Variants in HCN1 observed in about 807,000 individuals in gnomAD.
HCN1 encodes potassium/sodium hyperpolarization-activated cyclic nucleotide-gated channel 1.
In HCN1, 13 loss-of-function variants were observed where a neutral mutation model predicts 78.9. The ratio of observed to expected loss-of-function variants is 0.16; its 90% confidence interval spans 0.11 to 0.26. The LOEUF is 0.26. HCN1 is among the 10% of genes least tolerant of loss of function. HCN1 has a pLI of 1.00. For missense variants in HCN1, 810 were observed against 1,154.3 expected (o/e 0.70, Z 4.32); for synonymous variants, 552 against 455.5 (o/e 1.21, Z -2.70).
At chr5:45,315,999 G>T (rs1745982237) in intron 5 of HCN1, among the ~76,000 whole-genome samples, 1 of 152,108 alleles carries the variant, frequency 6.6e-6, no homozygotes, top group South Asian at 2.1e-4. Flanking sequence ...AGGAGGAGCT[G>T]GTACCATTCC....
At chr5:45,689,992 T>G (rs139025149) in intron 1 of HCN1, among the ~76,000 whole-genome samples, 2 of 152,096 alleles carry the variant, frequency 1.3e-5, no homozygotes, top group African/African-American at 4.8e-5. Context: ...CAAATCAATA[T>G]GTATAGAATC....
At chr5:45,607,650 G>A (rs1054529137) in intron 2 of HCN1, among the ~76,000 whole-genome samples, 9 of 150,238 alleles carry the variant, frequency 6.0e-5, no homozygotes, top group African/African-American at 2.2e-4. Context: ...GAGTCATCTT[G>A]ATAAATACAG....
intron 5 of HCN1, among the ~76,000 whole-genome samples, chr5:45,346,882 C>A (rs2134045): frequency 0.067 from 10,226 of 152,286 alleles, 554 homozygotes; most frequent in Non-Finnish European, 0.088. Flanking sequence ...TGGGTGGAGC[C>A]CACCACAGCT....
intron 2 of HCN1, among the ~76,000 whole-genome samples, chr5:45,472,797 A>G (rs964746842): frequency 2.0e-5 from 3 of 151,998 alleles, no homozygotes; most frequent in African/African-American, 7.2e-5. Context: ...TACACATTTC[A>G]TTTGTAATTT....
chr5:45,610,881 T>C (rs1744819557), intron 2 of HCN1, among the ~76,000 whole-genome samples: 1 of 152,030 alleles, frequency 6.6e-6, no homozygotes, highest in African/African-American at 2.4e-5. Context: ...AGACTCTTTT[T>C]ATCTAGAACA....
intron 3 of HCN1, among the ~76,000 whole-genome samples, chr5:45,402,086 T>C (rs1282408973): frequency 1.3e-5 from 2 of 152,006 alleles, no homozygotes; most frequent in Admixed American, 1.3e-4. Flanking sequence ...TGTGTGTACA[T>C]ATATAAAATT....
At chr5:45,372,184 TAATACAATTA>T (rs1747404584) in intron 4 of HCN1, among the ~76,000 whole-genome samples, 2 of 61,822 alleles carry the variant, frequency 3.2e-5, no homozygotes, top group East Asian at 6.8e-4. Context: ...TATTATAATA[TAATACAATTA>T]ATATAATACA....
intron 3 of HCN1, among the ~76,000 whole-genome samples, chr5:45,426,290 T>A (rs1444864517): frequency 6.6e-6 from 1 of 152,174 alleles, no homozygotes; most frequent in Admixed American, 6.6e-5. Flanking sequence ...ATGTGAATGG[T>A]TAGTCATGGA....
intron 2 of HCN1, among the ~76,000 whole-genome samples, chr5:45,615,878 T>C (rs1319943743): frequency 6.6e-6 from 1 of 151,898 alleles, no homozygotes; most frequent in African/African-American, 2.4e-5. Flanking sequence ...CAAAATAGCT[T>C]GAAATGCAAC....
intron 6 of HCN1, among the ~76,000 whole-genome samples, chr5:45,290,872 T>C (rs1745358823): frequency 6.6e-6 from 1 of 152,110 alleles, no homozygotes; most frequent in South Asian, 2.1e-4. Flanking sequence ...GAAAAGACTA[T>C]AAATAATATA....
chr5:45,469,744 A>G (rs1741350174), intron 2 of HCN1, among the ~76,000 whole-genome samples: 1 of 151,896 alleles, frequency 6.6e-6, no homozygotes, highest in South Asian at 2.1e-4. Flanking sequence ...TGTAGTTCTT[A>G]CACATTAAAA....
intron 1 of HCN1, among the ~76,000 whole-genome samples, chr5:45,689,829 C>G (rs773269862): frequency 6.6e-6 from 1 of 152,078 alleles, no homozygotes; most frequent in African/African-American, 2.4e-5. Context: ...AAAGATCACT[C>G]TTGTCACTCT....
At chr5:45,347,377 C>T (rs754163349) in intron 5 of HCN1, among the ~76,000 whole-genome samples, 15 of 152,134 alleles carry the variant, frequency 9.9e-5, no homozygotes, top group Non-Finnish European at 1.6e-4. Flanking sequence ...ACATCACCAT[C>T]GTCAAAGAAC....
At chr5:45,417,455 TG>T (rs1168555901) in intron 3 of HCN1, among the ~76,000 whole-genome samples, 1 of 151,940 alleles carries the variant, frequency 6.6e-6, no homozygotes, top group Non-Finnish European at 1.5e-5. Flanking sequence ...CTTTAAATGC[TG>T]TTTTGTCATA....
intron 3 of HCN1, among the ~76,000 whole-genome samples, chr5:45,415,965 A>T (rs1234700890): frequency 6.6e-6 from 1 of 151,984 alleles, no homozygotes; most frequent in Non-Finnish European, 1.5e-5. Flanking sequence ...AAAAAGCCAG[A>T]TGTCTTCATC....
At chr5:45,618,262 G>A (rs1257387163) in intron 2 of HCN1, among the ~76,000 whole-genome samples, 1 of 151,964 alleles carries the variant, frequency 6.6e-6, no homozygotes, top group East Asian at 1.9e-4. Flanking sequence ...GTTGTGGTGA[G>A]GGGTGGGGAT....
rs951895576 is a variant in HCN1 at position 45,554,220 on chromosome 5, C to T, written c.849+90965G>A. The stretch of plus-strand genomic sequence containing the variant: ...GCCCATTGAAATAATGATTAGGTAT[C>T]TTCATAAAATTGTGACTACCCATGC... On this transcript the variant is annotated intron_variant, in intron 2 of 7. Coordinates refer to ENST00000303230, the MANE Select transcript of HCN1 (RefSeq NM_021072.4). 2.0e-5 allele frequency among the ~76,000 whole-genome samples: 3 copies of T among 151,740 alleles called. No individual in the cohort carries two copies. In the Admixed American group the frequency reaches 2.0e-4, roughly 10 times the overall value.
chr5:45,592,170 C>T (rs1744378336), intron 2 of HCN1, among the ~76,000 whole-genome samples: 1 of 152,078 alleles, frequency 6.6e-6, no homozygotes, highest in Non-Finnish European at 1.5e-5. Flanking sequence ...TCTTTGGCCA[C>T]TACCATACTA....
At chr5:45,364,174 ATAGT>A (rs1747184585) in intron 4 of HCN1, among the ~76,000 whole-genome samples, 1 of 151,974 alleles carries the variant, frequency 6.6e-6, no homozygotes, top group African/African-American at 2.4e-5. Context: ...GCATCTTTTA[ATAGT>A]TGGTATTTCC....
Sources: gnomAD v4.1 joint callset for allele counts (sites outside exome capture counted in the v4.1 genomes callset) on GRCh38, gnomAD v4.1.1 for gene constraint, MANE v1.5 for transcripts, NCBI Gene and HGNC (gene_info 2026-07-23, HGNC 2026-07-21) for gene names.